Variants in SLC35A5 observed in about 807,000 individuals in gnomAD.
SLC35A5 encodes the protein UDP-sugar transporter protein SLC35A5.
SLC35A5 carries 28 observed loss-of-function variants against 36.3 expected under a neutral mutation model. The ratio of observed to expected loss-of-function variants is 0.77; its 90% CI spans 0.57 to 1.06. The LOEUF is 1.06. SLC35A5 is among the 50% of genes least tolerant of loss of function. The probability of loss-of-function intolerance (pLI) is 0.00; values close to 1 mark genes in which losing one functional copy is unlikely to be tolerated. For synonymous variants in SLC35A5, 180 were observed against 173.7 expected (o/e 1.04, Z -0.29); for missense variants, 521 against 499.3 (o/e 1.04, Z -0.41).
chr3:112,561,413 C>G (rs1203256278), upstream of SLC35A5: 2 of 1,596,458 alleles, frequency 1.3e-6, no homozygotes, highest in Non-Finnish European at 1.7e-6. Context: ...CCTGAAAAGT[C>G]GAGCATGTGC....
At chr3:112,579,222 G>A (rs904735669) in intron 5 of SLC35A5, among the ~76,000 whole-genome samples, 1 of 152,128 alleles carries the variant, frequency 6.6e-6, no homozygotes, top group Non-Finnish European at 1.5e-5. Flanking sequence ...CCATGGATCC[G>A]ATCCCTTCTT....
rs545268366 is a variant in SLC35A5, at chr3:112,563,106, T to G, written c.-19-279T>G. Among the ~76,000 whole-genome samples the G allele has an allele frequency of 3.3e-5, 5 of 152,332 alleles. No homozygotes were observed. The South Asian group carries it at 1.0e-3, about 32-fold the overall frequency. On this transcript the variant is annotated intron_variant, in intron 1 of 6. Transcript: ENST00000492406. ...TTTAAAAATAAAATTCAAAATTGCTTTGAAGAATTCTTTTCTGCTGTTGCA... is the reference window on the plus strand; with the variant it reads ...TTTAAAAATAAAATTCAAAATTGCTGTGAAGAATTCTTTTCTGCTGTTGCA...
chr3:112,575,925 A>G (rs1048988029), intron 5 of SLC35A5, among the ~76,000 whole-genome samples: 22 of 151,726 alleles, frequency 1.4e-4, no homozygotes, highest in Non-Finnish European at 2.9e-5. Flanking sequence ...ACGCCCAGCT[A>G]ATTTTTGTAT....
In SLC35A5 at chr3:112,582,965, C is replaced by T; in HGVS notation, c.*229C>T. 2.0e-6 allele frequency: 1 copy of T among 490,358 alleles called. No individual in the cohort carries two copies. Among genetic ancestry groups the T allele is most frequent in the South Asian group, 4.1e-5 (1 of 24,388 alleles). The allele number at this position is 490,358 out of a possible 1,614,324, so 30.4% of individuals were successfully genotyped here. ...AACAATATGAAGAATTCATTAATAT[C>T]TCAGTACTTGATAAATCAGAAAGTT... On this transcript the variant is annotated 3_prime_UTR_variant, in exon 7 of 7. Coordinates refer to ENST00000492406, the MANE Select transcript of SLC35A5 (RefSeq NM_017945.5).
intron 2 of SLC35A5, among the ~76,000 whole-genome samples, chr3:112,566,743 G>C (rs1187746551): frequency 1.3e-5 from 2 of 152,236 alleles, no homozygotes; most frequent in Admixed American, 6.5e-5. Flanking sequence ...TCAGATATCA[G>C]ATTACTTGGA....
At chr3:112,573,980 T>C in intron 5 of SLC35A5, 24 bp downstream of exon 5, 2 of 1,577,950 alleles carry the variant, frequency 1.3e-6, no homozygotes, top group Non-Finnish European at 1.7e-6. Context: ...TGTGAAAACA[T>C]ATATCATACT....
rs1935106320 is a variant in SLC35A5 at position 112,585,369 on chromosome 3, A to G, written c.*2633A>G. 6.6e-6 allele frequency: 1 copy of G among 152,058 alleles called. No individual in the cohort carries two copies. Among genetic ancestry groups the G allele is most frequent in the Non-Finnish European group, 1.5e-5 (1 of 68,024 alleles). The allele number at this position is 152,058 out of a possible 1,614,324, so 9.4% of individuals were successfully genotyped here. ...ATTATGGGGATTACAATTCAAGATG[A>G]GATTTGGGCGGGGACAGAAAGCCTA... On this transcript the variant is annotated 3_prime_UTR_variant, in exon 7 of 7. Transcript: ENST00000492406.
chr3:112,572,132 C>T (rs983445784), intron 4 of SLC35A5, among the ~76,000 whole-genome samples: 7 of 149,002 alleles, frequency 4.7e-5, no homozygotes, highest in East Asian at 2.0e-4. Flanking sequence ...TTAGTAGAGA[C>T]GGGGTTTCAC....
intron 5 of SLC35A5, among the ~76,000 whole-genome samples, chr3:112,580,051 C>G (rs1169490429): frequency 2.0e-5 from 3 of 151,992 alleles, no homozygotes; most frequent in East Asian, 1.9e-4. Flanking sequence ...TAGAGCTAAC[C>G]TTCTCCTTTA....
At chr3:112,567,152 G>C (rs567003563) in intron 2 of SLC35A5, among the ~76,000 whole-genome samples, 29 of 152,042 alleles carry the variant, frequency 1.9e-4, no homozygotes, top group African/African-American at 6.7e-4. Context: ...CGTGAACCTG[G>C]GAGGTGGAGC....
chr3:112,570,507 A>T, intron 3 of SLC35A5, 33 bp from the exon 4 acceptor site: 2 of 1,583,612 alleles, frequency 1.3e-6, no homozygotes, highest in South Asian at 1.2e-5. Flanking sequence ...GGGCATTCTC[A>T]TCAAGGTCAT....
Position 112,570,548 on chromosome 3 carries a change from A to G in SLC35A5, c.238A>G (p.Ser80Gly), listed in dbSNP as rs1325858068. The G allele has an allele frequency of 7.5e-6, 12 of 1,605,882 alleles. No homozygotes were observed. Among genetic ancestry groups the G allele is most frequent in the Non-Finnish European group, 9.3e-6 (11 of 1,177,574 alleles). Residue 80 changes from serine to glycine, a missense_variant, in exon 4 of 7, where the codon AGT becomes GGT. Transcript: ENST00000492406. ...SFCVIKKDHQ[S>G]RNLKYASWKE... ...CCGTGTTTCTTTCTAAGATCATCAA[A>G]GTAGAAATTTGAAATATGCTTCCTG...
chr3:112,581,490 A>G (rs1383840441), intron 6 of SLC35A5, among the ~76,000 whole-genome samples, 164 bp downstream of exon 6: 1 of 152,202 alleles, frequency 6.6e-6, no homozygotes, highest in Non-Finnish European at 1.5e-5. Flanking sequence ...GATGTTTGCA[A>G]GGGCTCATAA....
chr3:112,579,177 G>A (rs1173716441), intron 5 of SLC35A5, among the ~76,000 whole-genome samples: 1 of 152,132 alleles, frequency 6.6e-6, no homozygotes, highest in Non-Finnish European at 1.5e-5. Context: ...ATTATACTTA[G>A]GAGGTGTGAT....
intron 5 of SLC35A5, among the ~76,000 whole-genome samples, chr3:112,579,022 AT>A (rs1934780165): frequency 6.6e-6 from 1 of 152,236 alleles, no homozygotes; most frequent in Non-Finnish European, 1.5e-5. Context: ...AGATCAGGCT[AT>A]TTGAAAATTA....
upstream of SLC35A5, chr3:112,561,391 C>T: frequency 6.5e-7 from 1 of 1,532,534 alleles, no homozygotes; most frequent in Non-Finnish European, 9.0e-7. Flanking sequence ...GGGACTCCTG[C>T]GGCGCCTGGT....
chr3:112,585,291 A>G lies in SLC35A5; in HGVS notation c.*2555A>G, dbSNP rs1045756795. 5.9e-5 allele frequency: 9 copies of G among 152,110 alleles called. No homozygotes were observed. The highest frequency in any genetic ancestry group is 1.3e-4 in the Admixed American group (2 of 15,250). 9.4% of individuals were successfully genotyped at this position (152,110 alleles called of 1,614,324 possible). Reference sequence around the variant, plus strand: ...CTATCATGAGAACAGCATGGGGGAAACTGCCCCCATGATTCAATTACCCCC... The same window carrying G: ...CTATCATGAGAACAGCATGGGGGAAGCTGCCCCCATGATTCAATTACCCCC... On this transcript the variant is annotated 3_prime_UTR_variant, in exon 7 of 7. Coordinates refer to ENST00000492406, the MANE Select transcript of SLC35A5 (RefSeq NM_017945.5).
intron 4 of SLC35A5, 62 bp from the exon 5 acceptor site, chr3:112,573,827 T>G: frequency 7.1e-7 from 1 of 1,408,072 alleles, no homozygotes; most frequent in Non-Finnish European, 1.0e-6. Context: ...ACTGCCAAGC[T>G]AAGACATTTC....
chr3:112,575,895 G>A (rs1408852349), intron 5 of SLC35A5, among the ~76,000 whole-genome samples: 2 of 150,952 alleles, frequency 1.3e-5, no homozygotes, highest in Non-Finnish European at 1.5e-5. Context: ...AAGTAGCTGG[G>A]AATATAGGTG....
Sources: allele counts gnomAD v4.1 joint callset (sites outside exome capture counted in the v4.1 genomes callset), GRCh38; gene constraint gnomAD v4.1.1; transcripts MANE v1.5; gene names NCBI Gene and HGNC (gene_info 2026-07-23, HGNC 2026-07-21).